The following SH3PXD2B variants were observed in gnomAD, a reference collection of about 807,000 sequenced individuals.
SH3PXD2B encodes SH3 and PX domain-containing protein 2B.
Under a neutral mutation model 73.1 loss-of-function variants are expected in SH3PXD2B, and 37 were observed. The ratio of observed to expected loss-of-function variants is 0.51; its 90% CI spans 0.39 to 0.67. SH3PXD2B has a LOEUF of 0.67. Among genes scored for constraint, SH3PXD2B ranks in the 30% least tolerant of loss-of-function variants. The probability of loss-of-function intolerance (pLI) is 0.00; values close to 1 mark genes in which losing one functional copy is unlikely to be tolerated. For missense variants in SH3PXD2B, 1,053 were observed against 1,197.8 expected (o/e 0.88, Z 1.78); for synonymous variants, 457 against 480.5 (o/e 0.95, Z 0.64).
chr5:172,362,241 G>A (rs889109569), intron 7 of SH3PXD2B, among the ~76,000 whole-genome samples: 1 of 152,196 alleles, frequency 6.6e-6, no homozygotes, highest in African/African-American at 2.4e-5. Context: ...GTGGAATTCT[G>A]ATGGAAATCC....
At chr5:172,405,385 C>A (rs1758528449) in intron 3 of SH3PXD2B, among the ~76,000 whole-genome samples, 2 of 152,182 alleles carry the variant, frequency 1.3e-5, no homozygotes, top group Non-Finnish European at 2.9e-5. Flanking sequence ...TTGTATGAGT[C>A]CTTAAAAGCA....
At chr5:172,419,255 G>C (rs1048462030) in intron 2 of SH3PXD2B, among the ~76,000 whole-genome samples, 4 of 152,056 alleles carry the variant, frequency 2.6e-5, no homozygotes, top group African/African-American at 9.7e-5. Flanking sequence ...CCTTGCACAG[G>C]GCCTGGACGC....
intron 8 of SH3PXD2B, among the ~76,000 whole-genome samples, chr5:172,355,447 G>GGGTGC (rs1561900791): frequency 6.6e-6 from 1 of 152,204 alleles, no homozygotes; most frequent in Non-Finnish European, 1.5e-5. Flanking sequence ...AGGTGGGAAA[G>GGGTGC]GGTGCCACCC....
chr5:172,339,086 G>A lies in SH3PXD2B; in HGVS notation c.2019C>T (p.Ala673=). The change falls in exon 13 of 13, where the codon GCC becomes GCT. Residue 673 remains alanine, a synonymous_variant. Transcript: ENST00000311601. This position sits in a 1 kb window ranked among gnomAD's most constrained non-coding sequence, Gnocchi z 6.1. ...ICNLRSKLRP[A]KSQDKSLLDG... ...CCAACAAGGACTTGTCTTGGGACTT[G>A]GCAGGCCTGAGCTTACTCCTGAGGT... is the stretch of plus-strand genomic sequence containing the variant. 6.2e-7 allele frequency: 1 copy of A among 1,614,236 alleles called. No homozygotes were observed. The highest frequency in any genetic ancestry group is 8.5e-7 in the Non-Finnish European group (1 of 1,180,046).
chr5:172,364,074 T>C (rs1054747043), intron 6 of SH3PXD2B, among the ~76,000 whole-genome samples: 5 of 152,240 alleles, frequency 3.3e-5, no homozygotes, highest in Admixed American at 3.3e-4. Flanking sequence ...GGTGGACAGC[T>C]TCCTGGGAGT....
At chr5:172,451,800 C>T (rs1759802481) in intron 1 of SH3PXD2B, among the ~76,000 whole-genome samples, 2 of 152,170 alleles carry the variant, frequency 1.3e-5, no homozygotes, top group African/African-American at 2.4e-5. Context: ...GGAACAGCAG[C>T]GGTCGCCCAC....
At chr5:172,350,703 G>A (rs1273531916) in intron 9 of SH3PXD2B, 114 bp from the exon 10 acceptor site, 1 of 999,670 alleles carries the variant, frequency 1.0e-6, no homozygotes, top group Non-Finnish European at 1.5e-6. Flanking sequence ...GACGGGTTGT[G>A]ACTGCCCAGG....
At chr5:172,373,725 A>C (rs1225914241) in intron 6 of SH3PXD2B, 65 bp downstream of exon 6, 21 of 1,531,864 alleles carry the variant, frequency 1.4e-5, no homozygotes, top group Non-Finnish European at 1.5e-5. Context: ...CCTGGTGCAC[A>C]GTTGGTGCTC....
At position 172,339,514 on chromosome 5, in the gene SH3PXD2B, T is replaced by C; in HGVS notation, c.1591A>G (p.Lys531Glu). 6.2e-7 allele frequency: 1 copy of C among 1,614,096 alleles called. No individual in the cohort carries two copies. Among genetic ancestry groups the C allele is most frequent in the South Asian group, 1.1e-5 (1 of 91,086 alleles). Residue 531 changes from lysine (K) to glutamate (E), a missense_variant, in exon 13 of 13, where the codon AAG (lysine) becomes GAG (glutamate). Around this residue, in one of 2 missense-constraint regions of SH3PXD2B, gnomAD observed 587 missense variants for 590.7 expected, o/e 0.99. Transcript: ENST00000311601. This position sits in a 1 kb window ranked among gnomAD's most constrained non-coding sequence, Gnocchi z 6.1. ...CGCTCCAGCAGCTCCCCCTCCGACT[T>C]GATGATGGATTCTTTCCGCGGAGGG... Reference protein sequence around the residue: ...SLPPRKESIIKSEGELLERER... With the variant: ...SLPPRKESIIESEGELLERER...
At chr5:172,423,972 G>C (rs1323491350) in intron 1 of SH3PXD2B, among the ~76,000 whole-genome samples, 1 of 152,118 alleles carries the variant, frequency 6.6e-6, no homozygotes, top group Admixed American at 6.5e-5. Flanking sequence ...CAACTCTGGA[G>C]AAAGCCAAGC....
At chr5:172,387,920 C>T (rs1355739462) in intron 4 of SH3PXD2B, among the ~76,000 whole-genome samples, 1 of 151,998 alleles carries the variant, frequency 6.6e-6, no homozygotes, top group Non-Finnish European at 1.5e-5. Flanking sequence ...TGTAATATTG[C>T]CTCTTACATT....
intron 2 of SH3PXD2B, 25 bp from the exon 3 acceptor site, chr5:172,406,377 A>G: frequency 6.2e-7 from 1 of 1,612,546 alleles, no homozygotes; most frequent in East Asian, 2.2e-5. Context: ...AATACCAAAA[A>G]CAAAAACCTT....
chr5:172,436,492 T>C (rs1759390510), intron 1 of SH3PXD2B, among the ~76,000 whole-genome samples: 1 of 152,178 alleles, frequency 6.6e-6, no homozygotes, highest in Non-Finnish European at 1.5e-5. Context: ...TTCTAGACTA[T>C]CCTTTGTTCT....
In SH3PXD2B at chr5:172,333,992, A is replaced by G. The variant is rs1756627790; in HGVS notation, c.*4377T>C. The stretch of plus-strand genomic sequence containing the variant: ...TTGCTGATGTAAGCCTGGTGGGGGC[A>G]CCTTCTTTTTTACATGAATAGGACA... On this transcript the variant is annotated 3_prime_UTR_variant, in exon 13 of 13. Coordinates refer to ENST00000311601, the MANE Select transcript of SH3PXD2B (RefSeq NM_001017995.3). 1.1e-5 allele frequency: 13 copies of G among 1,194,748 alleles called. No individual in the cohort carries two copies. The highest frequency in any genetic ancestry group is 1.4e-5 in the Non-Finnish European group (13 of 949,776). 74.0% of individuals were successfully genotyped at this position (1,194,748 alleles called of 1,614,324 possible). A position where few individuals can be genotyped will look rare whatever the true frequency, so the allele number is the denominator to read the frequency against.
intron 1 of SH3PXD2B, among the ~76,000 whole-genome samples, chr5:172,440,481 G>A (rs761643687): frequency 6.6e-6 from 1 of 151,886 alleles, no homozygotes; most frequent in Non-Finnish European, 1.5e-5. Flanking sequence ...GGAGAGCTCA[G>A]GAAGAACATC....
At chr5:172,410,233 G>A (rs1478655263) in intron 2 of SH3PXD2B, among the ~76,000 whole-genome samples, 2 of 152,192 alleles carry the variant, frequency 1.3e-5, no homozygotes, top group South Asian at 2.1e-4. Flanking sequence ...GTTTCCCATG[G>A]TGGCTATACT....
At chr5:172,394,774 C>T (rs1348489693) in intron 3 of SH3PXD2B, 135 bp from the exon 4 acceptor site, 4 of 823,838 alleles carry the variant, frequency 4.9e-6, no homozygotes, top group South Asian at 2.9e-5. Flanking sequence ...ATCAAGGTAC[C>T]CCCACTGGAC....
chr5:172,385,714 C>T (rs1758047453), intron 4 of SH3PXD2B, among the ~76,000 whole-genome samples: 1 of 152,186 alleles, frequency 6.6e-6, no homozygotes, highest in East Asian at 1.9e-4. Flanking sequence ...ACAACGAGGC[C>T]CATGGAAACC....
chr5:172,351,426 C>T (rs1051973426), intron 9 of SH3PXD2B, among the ~76,000 whole-genome samples: 11 of 152,140 alleles, frequency 7.2e-5, no homozygotes, highest in African/African-American at 2.7e-4. Flanking sequence ...CCACGCTTGG[C>T]CAGAATTCAG....
Sources: allele counts gnomAD v4.1 joint callset (sites outside exome capture counted in the v4.1 genomes callset), GRCh38; gene constraint gnomAD v4.1.1; regional missense constraint gnomAD v4.1.1; non-coding constraint Gnocchi (gnomAD v3.1); transcripts MANE v1.5; gene names NCBI Gene and HGNC (gene_info 2026-07-23, HGNC 2026-07-21).